Variants in HNF4G observed in about 807,000 individuals in gnomAD.
HNF4G encodes the protein hepatocyte nuclear factor 4 gamma.
HNF4G carries 21 observed loss-of-function variants against 50.9 expected under a neutral mutation model. The observed-to-expected ratio is 0.41, with a 90% CI of 0.29 to 0.59. The LOEUF (loss-of-function observed/expected upper bound fraction) is 0.59. Ranked by LOEUF, HNF4G falls within the 20% of genes least tolerant of loss-of-function variation. HNF4G has a pLI of 0.26. For missense variants in HNF4G, 527 were observed against 559.4 expected, an observed-to-expected ratio of 0.94 and a Z score of 0.58; for synonymous variants, 198 against 185.6, an observed-to-expected ratio of 1.07 and a Z score of -0.54.
chr8:75,478,109 C>G (rs1291900777), intron 1 of HNF4G, among the ~76,000 whole-genome samples: 3 of 152,036 alleles, frequency 2.0e-5, no homozygotes, highest in Non-Finnish European at 4.4e-5. Context: ...CTCAGGAGAT[C>G]GAGACAAGCC....
chr8:75,442,655 T>C (rs1305377143), intron 1 of HNF4G, among the ~76,000 whole-genome samples: 1 of 152,124 alleles, frequency 6.6e-6, no homozygotes, highest in Non-Finnish European at 1.5e-5. Context: ...ATCACAATTA[T>C]GCATTTGATT....
At chr8:75,488,217 T>C (rs1812537956) in intron 1 of HNF4G, among the ~76,000 whole-genome samples, 1 of 152,330 alleles carries the variant, frequency 6.6e-6, no homozygotes, top group East Asian at 1.9e-4. Flanking sequence ...AGTTTAGAAA[T>C]CACTGTTGTT....
chr8:75,442,580 A>G (rs1470860101), intron 1 of HNF4G, among the ~76,000 whole-genome samples: 2 of 152,006 alleles, frequency 1.3e-5, no homozygotes, highest in African/African-American at 4.8e-5. Flanking sequence ...CTCAATTAAA[A>G]ATAAATTTAA....
At chr8:75,458,073 G>C (rs191005037) in intron 1 of HNF4G, among the ~76,000 whole-genome samples, 1 of 152,156 alleles carries the variant, frequency 6.6e-6, no homozygotes, top group East Asian at 1.9e-4. Context: ...AAAGTGCTTG[G>C]ATTACAGAGT....
At chr8:75,441,663 T>A (rs1811290086) in intron 1 of HNF4G, among the ~76,000 whole-genome samples, 2 of 152,152 alleles carry the variant, frequency 1.3e-5, no homozygotes, top group African/African-American at 4.8e-5. Context: ...ACTAGCGAAG[T>A]CCTATTAAAT....
intron 2 of HNF4G, among the ~76,000 whole-genome samples, chr8:75,531,544 T>C (rs1201951712): frequency 6.6e-6 from 1 of 152,148 alleles, no homozygotes; most frequent in African/African-American, 2.4e-5. Context: ...AAAATAATTA[T>C]TTGGATGAAA....
At chr8:75,464,483 T>C (rs1811922147) in intron 1 of HNF4G, among the ~76,000 whole-genome samples, 1 of 152,166 alleles carries the variant, frequency 6.6e-6, no homozygotes, top group Non-Finnish European at 1.5e-5. Flanking sequence ...CTCAGATTTT[T>C]TCCCCTTGGA....
At chr8:75,463,596 AT>A (rs963496680) in intron 1 of HNF4G, among the ~76,000 whole-genome samples, 19 of 146,878 alleles carry the variant, frequency 1.3e-4, no homozygotes, top group South Asian at 2.2e-4. Flanking sequence ...GTAAGCATTC[AT>A]TTTTTTTTTC....
upstream of HNF4G, among the ~76,000 whole-genome samples, chr8:75,537,779 A>G (rs1037840066): frequency 6.6e-6 from 1 of 152,168 alleles, no homozygotes; most frequent in Non-Finnish European, 1.5e-5. Context: ...TTTAGTAAAG[A>G]ACCCCAATCA....
At chr8:75,547,762 C>T (rs1432526635) in intron 3 of HNF4G, 81 bp downstream of exon 3, 3 of 876,222 alleles carry the variant, frequency 3.4e-6, no homozygotes, top group Non-Finnish European at 5.6e-6. Flanking sequence ...ATTAGTATAA[C>T]TTTTTACATG....
chr8:75,447,526 C>T (rs1490134302), intron 1 of HNF4G, among the ~76,000 whole-genome samples: 1 of 146,722 alleles, frequency 6.8e-6, no homozygotes, highest in Non-Finnish European at 1.5e-5. Flanking sequence ...TTCTTGCAAC[C>T]TACTCATCTG....
intron 1 of HNF4G, among the ~76,000 whole-genome samples, chr8:75,431,199 A>T (rs1317559718): frequency 6.6e-6 from 1 of 152,138 alleles, no homozygotes; most frequent in Non-Finnish European, 1.5e-5. Context: ...AATACAAGAG[A>T]CTTTAGGAGA....
intron 2 of HNF4G, among the ~76,000 whole-genome samples, chr8:75,522,122 T>A (rs567406461): frequency 6.6e-6 from 1 of 152,306 alleles, no homozygotes; most frequent in South Asian, 2.1e-4. Flanking sequence ...TTTCAATGAA[T>A]GACAAAAGCT....
Position 75,508,061 on chromosome 8 carries a change from G to A in HNF4G, c.-24+17853G>A, listed in dbSNP as rs556737830. Among the ~76,000 whole-genome samples the A allele has an allele frequency of 1.8e-3, 266 of 151,478 alleles. 1 individual carries two copies. Among genetic ancestry groups the A allele is most frequent in the Non-Finnish European group, 3.2e-3 (220 of 67,848 alleles). On this transcript the variant is annotated intron_variant, in intron 2 of 10. Transcript: ENST00000354370. ...AGCGAGAAGAAAAGGGAGAATAACC[G>A]TATCAATGGCTAAACAACATTATAA...
intron 8 of HNF4G, among the ~76,000 whole-genome samples, chr8:75,559,553 T>C (rs1807245185): frequency 6.6e-6 from 1 of 152,064 alleles, no homozygotes; most frequent in Non-Finnish European, 1.5e-5. Flanking sequence ...AATACAGGCG[T>C]GAGCCACTGC....
intron 6 of HNF4G, among the ~76,000 whole-genome samples, chr8:75,556,771 G>A (rs75463024): frequency 6.6e-6 from 1 of 152,120 alleles, no homozygotes; most frequent in African/African-American, 2.4e-5. Context: ...TTTTATTTTT[G>A]TGCTAGATGT....
intron 1 of HNF4G, among the ~76,000 whole-genome samples, chr8:75,427,483 A>G (rs1313342585): frequency 6.6e-6 from 1 of 152,018 alleles, no homozygotes; most frequent in Non-Finnish European, 1.5e-5. Context: ...AGGCTGAGGC[A>G]GGAGAATTGC....
At chr8:75,509,770 A>T (rs2977909) in intron 2 of HNF4G, among the ~76,000 whole-genome samples, 20,524 of 152,168 alleles carry the variant, frequency 0.13, 2,043 homozygotes, top group African/African-American at 0.28. Context: ...GCAATGCATT[A>T]TTCACATGTT....
At position 75,504,292 on chromosome 8, in the gene HNF4G, A is replaced by C. The variant is rs116373240; in HGVS notation, c.-24+14084A>C. Among the ~76,000 whole-genome samples the C allele has an allele frequency of 3.3e-3, 498 of 151,820 alleles. 2 individuals are homozygous for C. Among genetic ancestry groups the C allele is most frequent in the Middle Eastern group, 6.8e-3 (2 of 294 alleles). On this transcript the variant is annotated intron_variant, in intron 2 of 10. Transcript: ENST00000354370. ...ACACACACACCAAAAACAACAACAA[A>C]AAAAATCTGGATATGATCAGGGAAG...
Sources: gnomAD v4.1 joint callset for allele counts (sites outside exome capture counted in the v4.1 genomes callset) on GRCh38, gnomAD v4.1.1 for gene constraint, MANE v1.5 for transcripts, NCBI Gene and HGNC (gene_info 2026-07-23, HGNC 2026-07-21) for gene names.